The following DOCK2 variants were observed in gnomAD, a reference collection of about 807,000 sequenced individuals.
The protein encoded by DOCK2 is dedicator of cytokinesis 2.
In DOCK2, 87 loss-of-function variants were observed where a neutral mutation model predicts 248.9. The ratio of observed to expected loss-of-function variants is 0.35; its 90% CI spans 0.29 to 0.42. DOCK2 has a LOEUF of 0.42. Ranked by LOEUF, DOCK2 falls within the 10% of genes least tolerant of loss-of-function variation. The pLI is 1.00. For missense variants in DOCK2, 1,747 were observed against 2,300.2 expected (o/e 0.76, Z 4.92); for synonymous variants, 805 against 821.6 (o/e 0.98, Z 0.35).
At chr5:169,724,703 C>T (rs1762381411) in intron 22 of DOCK2, among the ~76,000 whole-genome samples, 1 of 152,050 alleles carries the variant, frequency 6.6e-6, no homozygotes. Context: ...TTGCCTTCAG[C>T]ATCAATGACC....
chr5:169,701,018 A>G (rs530769342), intron 13 of DOCK2, among the ~76,000 whole-genome samples: 7 of 152,326 alleles, frequency 4.6e-5, no homozygotes. Context: ...TGGGCATGAT[A>G]ATGAAGTTCC....
Position 170,041,993 on chromosome 5 carries a change from C to T in DOCK2, c.3757-20C>T. 6.2e-7 allele frequency: 1 copy of T among 1,611,796 alleles called. No individual in the cohort carries two copies. On this transcript the variant is annotated intron_variant, in intron 37 of 51. Transcript: ENST00000520908. ...GCAGCCTCTCGGCCCTGTGTGACTT[C>T]CTGTGTCTTCTCTTCACAGTGGTCG...
intron 27 of DOCK2, among the ~76,000 whole-genome samples, chr5:169,917,473 T>C (rs911930017): frequency 1.3e-5 from 2 of 152,184 alleles, no homozygotes; most frequent in Non-Finnish European, 2.9e-5. Flanking sequence ...TGACTATCAG[T>C]GGAGCAGATT....
chr5:169,801,146 GTTTTTTTTTTTTTTTTTTTTT>G (rs60574755), intron 25 of DOCK2, among the ~76,000 whole-genome samples: 1 of 76,052 alleles, frequency 1.3e-5, no homozygotes, highest in Non-Finnish European at 2.8e-5. Context: ...ATAGTTTTGG[GTTTTTTTTTTTTTTTTTTTTT>G]TTTTTTTTTT....
intron 6 of DOCK2, among the ~76,000 whole-genome samples, chr5:169,681,217 A>G (rs1581024580): frequency 7.1e-6 from 1 of 140,748 alleles, no homozygotes; most frequent in Admixed American, 7.8e-5. Flanking sequence ...TCCGCCTCCC[A>G]GGTTCAAGAA....
intron 27 of DOCK2, among the ~76,000 whole-genome samples, chr5:169,978,375 A>ATGTGTGTGTG (rs70979152): frequency 1.6e-4 from 4 of 25,746 alleles, no homozygotes; most frequent in African/African-American, 5.6e-4. Context: ...GGCTCTGTGT[A>ATGTGTGTGTG]TGTGTGTGTG....
rs1200606271 is a variant in DOCK2, at chr5:170,079,105, T to G, written c.5125T>G (p.Phe1709Val). The change falls in exon 49 of 52, where the codon TTT becomes GTT. Residue 1709 changes from phenylalanine to valine, a missense_variant. Transcript: ENST00000520908. ...GAGGACAAAGAGAAGCAGCGTAGTT[T>G]TTGCGGATGAGAAAGCAGCTGCAGA... ...KKRTKRSSVV[F>V]ADEKAAAESD... 2 of 1,613,880 alleles carry G rather than the reference T, an allele frequency of 1.2e-6. No individual in the cohort carries two copies. Among genetic ancestry groups the G allele is most frequent in the Non-Finnish European group, 1.7e-6 (2 of 1,180,002 alleles).
chr5:169,677,489 G>A (rs1581017944), intron 6 of DOCK2, among the ~76,000 whole-genome samples: 1 of 152,214 alleles, frequency 6.6e-6, no homozygotes, highest in Middle Eastern at 3.4e-3. Context: ...AGTGTACATG[G>A]GATGTATGTT....
At chr5:170,042,445 G>C (rs767769035) in intron 38 of DOCK2, among the ~76,000 whole-genome samples, 1 of 152,150 alleles carries the variant, frequency 6.6e-6, no homozygotes, top group Non-Finnish European at 1.5e-5. Context: ...TCCCCCACTC[G>C]CAGTTTCTCA....
At chr5:170,058,758 C>T (rs990792138) in intron 44 of DOCK2, among the ~76,000 whole-genome samples, 10 of 152,176 alleles carry the variant, frequency 6.6e-5, no homozygotes, top group African/African-American at 1.9e-4. Context: ...AGAGGAGGGA[C>T]GTGGTCTGAC....
At chr5:169,943,820 ACT>A (rs1349179133) in intron 27 of DOCK2, among the ~76,000 whole-genome samples, 1 of 152,110 alleles carries the variant, frequency 6.6e-6, no homozygotes, top group East Asian at 1.9e-4. Context: ...CCCCAAGGTG[ACT>A]CTGACGCTCA....
intron 36 of DOCK2, among the ~76,000 whole-genome samples, chr5:170,039,025 G>T (rs554472621): frequency 6.6e-6 from 1 of 152,364 alleles, no homozygotes; most frequent in African/African-American, 2.4e-5. Context: ...AACGTTAGGC[G>T]GGAGGAAAGT....
chr5:170,019,140 A>C, intron 33 of DOCK2, 32 bp downstream of exon 33: 2 of 1,613,636 alleles, frequency 1.2e-6, no homozygotes, highest in Non-Finnish European at 1.7e-6. Flanking sequence ...TCATGCCAGC[A>C]TGCCTAATCC....
intron 25 of DOCK2, among the ~76,000 whole-genome samples, chr5:169,765,321 C>T (rs1764718984): frequency 6.6e-6 from 1 of 152,166 alleles, no homozygotes; most frequent in South Asian, 2.1e-4. Flanking sequence ...GAGTCATCAC[C>T]AGCCAGGTTC....
intron 26 of DOCK2, among the ~76,000 whole-genome samples, chr5:169,810,548 T>C (rs1196233249): frequency 6.6e-6 from 1 of 152,192 alleles, no homozygotes; most frequent in Admixed American, 6.5e-5. Flanking sequence ...AATGGGATGA[T>C]ACAAAAAGGT....
intron 30 of DOCK2, 151 bp downstream of exon 30, chr5:169,996,315 A>G: frequency 1.4e-6 from 1 of 726,122 alleles, no homozygotes; most frequent in East Asian, 2.8e-5. Flanking sequence ...TGGGGAGAAA[A>G]TTCTCAGGCT....
intron 23 of DOCK2, among the ~76,000 whole-genome samples, chr5:169,748,463 T>C (rs1440107277): frequency 5.9e-5 from 9 of 152,184 alleles, no homozygotes; most frequent in Admixed American, 5.9e-4. Flanking sequence ...ATTTAAAAAA[T>C]TCCCCAGGTG....
chr5:169,685,019 G>A (rs1759884721), intron 8 of DOCK2, among the ~76,000 whole-genome samples: 1 of 152,218 alleles, frequency 6.6e-6, no homozygotes, highest in African/African-American at 2.4e-5. Flanking sequence ...TAGGCTAAGG[G>A]TATAGGCTCT....
intron 26 of DOCK2, among the ~76,000 whole-genome samples, chr5:169,814,822 T>C (rs1357763101): frequency 6.6e-6 from 1 of 152,198 alleles, no homozygotes; most frequent in Non-Finnish European, 1.5e-5. Flanking sequence ...GAAATTAGTG[T>C]AAAAACCTGA....
Sources: allele counts gnomAD v4.1 joint callset (sites outside exome capture counted in the v4.1 genomes callset), GRCh38; gene constraint gnomAD v4.1.1; transcripts MANE v1.5; gene names NCBI Gene and HGNC (gene_info 2026-07-23, HGNC 2026-07-21).